Variants in STK31 observed in about 807,000 individuals in gnomAD.
The protein encoded by STK31 is serine/threonine-protein kinase 31.
A neutral mutation model predicts 129.7 loss-of-function variants in STK31; 89 were observed. The observed-to-expected ratio is 0.69, with a 90% CI of 0.58 to 0.82. STK31 has a LOEUF of 0.82. STK31 is among the 40% of genes least tolerant of loss of function. The pLI is 0.00. For synonymous variants in STK31, 448 were observed against 395.3 expected, an observed-to-expected ratio of 1.13 and a Z score of -1.58; for missense variants, 1,187 against 1,176.4, an observed-to-expected ratio of 1.01 and a Z score of -0.13.
intron 4 of STK31, among the ~76,000 whole-genome samples, chr7:23,719,981 T>C (rs1786592297): frequency 6.6e-6 from 1 of 152,120 alleles, no homozygotes; most frequent in Non-Finnish European, 1.5e-5. Context: ...GTAATACTAG[T>C]AAATATGTTA....
chr7:23,828,847 C>T (rs1226709825), intron 23 of STK31, among the ~76,000 whole-genome samples: 1 of 151,984 alleles, frequency 6.6e-6, no homozygotes, highest in African/African-American at 2.4e-5. Flanking sequence ...AGTGGAGATC[C>T]TTGTCTTGTT....
At chr7:23,786,728 A>G (rs1396276065) in intron 19 of STK31, 95 bp downstream of exon 19, 9 of 1,541,250 alleles carry the variant, frequency 5.8e-6, no homozygotes, top group African/African-American at 2.8e-5. Flanking sequence ...TTAGAGCAGC[A>G]GTTCATTCCC....
At chr7:23,765,906 A>G (rs1160392730) in intron 11 of STK31, among the ~76,000 whole-genome samples, 1 of 151,420 alleles carries the variant, frequency 6.6e-6, no homozygotes, top group Non-Finnish European at 1.5e-5. Flanking sequence ...CTCTTTCTCT[A>G]CCTCCTTCCC....
At chr7:23,821,947 G>A (rs1436978611) in intron 23 of STK31, among the ~76,000 whole-genome samples, 4 of 151,892 alleles carry the variant, frequency 2.6e-5, no homozygotes, top group African/African-American at 9.7e-5. Flanking sequence ...GCCTTTGTGG[G>A]AAATTGGTTG....
chr7:23,750,164 A>G (rs1227184351), intron 8 of STK31, among the ~76,000 whole-genome samples: 2 of 148,320 alleles, frequency 1.3e-5, no homozygotes, highest in Non-Finnish European at 3.0e-5. Flanking sequence ...TCCTGGAGGT[A>G]AAATTCACAA....
At chr7:23,750,067 T>TCCCCCCCCCCCCCCCCCCCCCCC (rs1171568592) in intron 8 of STK31, among the ~76,000 whole-genome samples, 1 of 90,554 alleles carries the variant, frequency 1.1e-5, no homozygotes, top group Non-Finnish European at 2.3e-5. Flanking sequence ...ATGGTTTGTT[T>TCCCCCCCCCCCCCCCCCCCCCCC]CCCCCCCCGC....
intron 21 of STK31, among the ~76,000 whole-genome samples, chr7:23,788,573 T>C (rs1479183026): frequency 2.0e-5 from 3 of 152,138 alleles, no homozygotes; most frequent in Non-Finnish European, 1.5e-5. Flanking sequence ...AAATCCTGAT[T>C]CACCTCTAAT....
At position 23,828,536 on chromosome 7, in the gene STK31, G is replaced by A. The variant is rs571033388; in HGVS notation, c.2830-3600G>A. 5.1e-4 allele frequency among the ~76,000 whole-genome samples: 77 copies of A among 152,344 alleles called. No individual in the cohort carries two copies. The South Asian group carries it at 0.012, about 24-fold the overall frequency. Reference sequence around the variant, plus strand: ...GAAAGGGAATTCCCTGACCCCTTGCGCTTCCCGGGTGAGGCGATGCCTCGC... The same window carrying A: ...GAAAGGGAATTCCCTGACCCCTTGCACTTCCCGGGTGAGGCGATGCCTCGC... On this transcript the variant is annotated intron_variant, in intron 23 of 23. Transcript: ENST00000355870.
intron 22 of STK31, among the ~76,000 whole-genome samples, chr7:23,813,585 T>C (rs1793281805): frequency 6.6e-6 from 1 of 152,202 alleles, no homozygotes; most frequent in Non-Finnish European, 1.5e-5. Flanking sequence ...TTAACGACAA[T>C]CTAATTTTCA....
chr7:23,809,773 C>T (rs1371435331), intron 22 of STK31, among the ~76,000 whole-genome samples: 2 of 152,160 alleles, frequency 1.3e-5, no homozygotes, highest in South Asian at 2.1e-4. Flanking sequence ...TGCTCCTTCC[C>T]CAGTGCAAGT....
intron 10 of STK31, among the ~76,000 whole-genome samples, chr7:23,756,027 G>T (rs369747712): frequency 6.6e-6 from 1 of 152,134 alleles, no homozygotes; most frequent in East Asian, 1.9e-4. Context: ...TTCTAATTCT[G>T]TGAAGAATGT....
At chr7:23,815,058 C>T in intron 22 of STK31, 86 bp from the exon 23 acceptor site, 2 of 926,536 alleles carry the variant, frequency 2.2e-6, no homozygotes, top group South Asian at 2.0e-5. Context: ...TTCTAGTCAC[C>T]AGGATCTGAA....
chr7:23,741,818 G>C (rs984968083), intron 8 of STK31, among the ~76,000 whole-genome samples: 2 of 152,164 alleles, frequency 1.3e-5, no homozygotes. Context: ...GCAGAGCTTT[G>C]GGTGTTGTCC....
chr7:23,777,312 G>A (rs1790616594), intron 15 of STK31, among the ~76,000 whole-genome samples: 1 of 152,156 alleles, frequency 6.6e-6, no homozygotes, highest in African/African-American at 2.4e-5. Flanking sequence ...GATTTGGGGT[G>A]GAGAGTTCTG....
At chr7:23,721,792 G>C in intron 4 of STK31, 1 of 633,118 alleles carries the variant, frequency 1.6e-6, no homozygotes, top group Non-Finnish European at 3.0e-6. Flanking sequence ...TGCGTTAACT[G>C]ATCCTCTACA....
intron 15 of STK31, among the ~76,000 whole-genome samples, chr7:23,774,012 A>C (rs1790372168): frequency 6.6e-6 from 1 of 150,762 alleles, no homozygotes; most frequent in South Asian, 2.1e-4. Flanking sequence ...GTTCCCACCT[A>C]TGAGTGAGAA....
chr7:23,732,050 T>C (rs1787463671), intron 6 of STK31, among the ~76,000 whole-genome samples: 1 of 152,236 alleles, frequency 6.6e-6, no homozygotes, highest in Non-Finnish European at 1.5e-5. Context: ...GGCTCATGCC[T>C]GTAAGCCCAG....
chr7:23,732,837 G>A (rs1327141260), intron 6 of STK31, among the ~76,000 whole-genome samples: 1 of 152,140 alleles, frequency 6.6e-6, no homozygotes, highest in Non-Finnish European at 1.5e-5. Flanking sequence ...GGCAGAAGTT[G>A]TTCTTGAATT....
At chr7:23,747,666 C>T (rs1451305060) in intron 8 of STK31, among the ~76,000 whole-genome samples, 1 of 152,144 alleles carries the variant, frequency 6.6e-6, no homozygotes, top group Non-Finnish European at 1.5e-5. Flanking sequence ...CCATGCCCGG[C>T]CTGTTCAGAT....
Sources: allele counts gnomAD v4.1 joint callset (sites outside exome capture counted in the v4.1 genomes callset), GRCh38; gene constraint gnomAD v4.1.1; transcripts MANE v1.5; gene names NCBI Gene and HGNC (gene_info 2026-07-23, HGNC 2026-07-21).